Variants in ZNF101 observed in about 807,000 individuals in gnomAD.
ZNF101 encodes zinc finger protein 101 (Y2).
Under a neutral mutation model 42.6 loss-of-function variants are expected in ZNF101, and 34 were observed. That is an observed-to-expected ratio of 0.80 (90% CI 0.61 to 1.06). ZNF101 has a LOEUF of 1.06. Among genes scored for constraint, ZNF101 ranks in the 50% least tolerant of loss-of-function variants. ZNF101 has a pLI of 0.00. For missense variants in ZNF101, 466 were observed against 530.9 expected, an observed-to-expected ratio of 0.88 and a Z score of 1.20; for synonymous variants, 158 against 183.9, an observed-to-expected ratio of 0.86 and a Z score of 1.14.
chr19:19,679,126 A>G, intron 3 of ZNF101, 55 bp from the exon 4 acceptor site: 3 of 1,570,670 alleles, frequency 1.9e-6, no homozygotes, highest in African/African-American at 1.4e-5. Context: ...CATGTCAATT[A>G]GTAGAAAAGC....
In ZNF101 at chr19:19,680,148, A is replaced by T. The variant is rs1207060502; in HGVS notation, c.1159A>T (p.Thr387Ser). 1 of 1,612,742 alleles carries T rather than the reference A, an allele frequency of 6.2e-7. No individual in the cohort carries two copies. Among genetic ancestry groups the T allele is most frequent in the East Asian group, 2.2e-5 (1 of 44,892 alleles). ...CAGTTCCCTCCGAAGACATGAAATG[A>T]CTCACACTGGAGAAAAACCCTTTGA... ...WCSSLRRHEM[T>S]HTGEKPFDCK... Residue 387 changes from threonine (T) to serine (S), a missense_variant, in exon 4 of 4, where the codon ACT (threonine) becomes TCT (serine). Thr to Ser is a moderately conservative substitution (Grantham distance 58). Coordinates refer to ENST00000592502, the MANE Select transcript of ZNF101 (RefSeq NM_033204.4).
rs540664407 is a variant in ZNF101, at chr19:19,679,217, G to A, written c.228G>A (p.Gly76=). 1 of 1,614,144 alleles carries A rather than the reference G, an allele frequency of 6.2e-7. No individual in the cohort carries two copies. Among genetic ancestry groups the A allele is most frequent in the East Asian group, 2.2e-5 (1 of 44,890 alleles). The change falls in exon 4 of 4, where the codon GGG becomes GGA. Residue 76 remains glycine, a synonymous_variant. Transcript: ENST00000592502. ...AGAGACTCTGTGGACGTAAAGAAGG[G>A]AATGAACACAGAGAAACTTTCAGCC... The part of the protein sequence containing the change: ...LVERLCGRKE[G]NEHRETFSQI...
chr19:19,669,187 G>A (rs901590867), intron 1 of ZNF101, among the ~76,000 whole-genome samples: 1 of 152,190 alleles, frequency 6.6e-6, no homozygotes, highest in Non-Finnish European at 1.5e-5. Context: ...GGGCAGCTCC[G>A]CGCCCGCAGC....
At chr19:19,673,043 C>T (rs1187314432) in intron 1 of ZNF101, among the ~76,000 whole-genome samples, 1 of 151,892 alleles carries the variant, frequency 6.6e-6, no homozygotes, top group African/African-American at 2.4e-5. Flanking sequence ...TTCCTGGTTT[C>T]AAGCCATTCT....
chr19:19,673,903 C>T (rs373316395), intron 1 of ZNF101, among the ~76,000 whole-genome samples: 120 of 151,542 alleles, frequency 7.9e-4, no homozygotes, highest in African/African-American at 2.8e-3. Context: ...AAGCGATTCT[C>T]CTGCCTCAGC....
intron 2 of ZNF101, among the ~76,000 whole-genome samples, chr19:19,678,269 G>T (rs1339203385): frequency 6.6e-6 from 1 of 151,370 alleles, no homozygotes; most frequent in African/African-American, 2.4e-5. Context: ...AATTGTGGCA[G>T]CTCATGCCTA....
intron 2 of ZNF101, among the ~76,000 whole-genome samples, chr19:19,678,453 T>A (rs2062216313): frequency 6.6e-6 from 1 of 151,784 alleles, no homozygotes; most frequent in African/African-American, 2.4e-5. Context: ...TCATCTCTAC[T>A]AAAAATACAA....
chr19:19,678,574 C>T (rs1221365349), intron 2 of ZNF101, 152 bp from the exon 3 acceptor site: 1 of 609,060 alleles, frequency 1.6e-6, no homozygotes, highest in Non-Finnish European at 2.8e-6. Flanking sequence ...GAGATTGCAT[C>T]ACTGCACTCC....
At chr19:19,672,436 C>G (rs1267247463) in intron 1 of ZNF101, 1 of 152,076 alleles carries the variant, frequency 6.6e-6, no homozygotes, top group Non-Finnish European at 1.5e-5. Flanking sequence ...AGGCTGGTCT[C>G]GAACTCCTGA....
intron 1 of ZNF101, among the ~76,000 whole-genome samples, chr19:19,674,081 C>T (rs140884448): frequency 1.5e-4 from 23 of 152,002 alleles, no homozygotes; most frequent in South Asian, 4.2e-4. Context: ...TGTGAGTCAC[C>T]GCGCCTGGCC....
At chr19:19,672,521 G>T (rs1432098103) in intron 1 of ZNF101, among the ~76,000 whole-genome samples, 1 of 150,260 alleles carries the variant, frequency 6.7e-6, no homozygotes, top group Non-Finnish European at 1.5e-5. Context: ...AGCCCTATAT[G>T]CATTTTAGAA....
rs2062231712 is a variant in ZNF101, at chr19:19,680,218, G to A, written c.1229G>A (p.Arg410Lys). ...GTCTTTACTTTTTCAAATTACCTTA[G>A]ACTTCATGAAAGAACTCATTTGGCC... Reference protein sequence around the residue: ...GKVFTFSNYLRLHERTHLAGR... With the variant: ...GKVFTFSNYLKLHERTHLAGR... Residue 410 changes from arginine to lysine, a missense_variant, in exon 4 of 4, where the codon AGA becomes AAA. Coordinates refer to ENST00000592502, the MANE Select transcript of ZNF101 (RefSeq NM_033204.4). The A allele has an allele frequency of 6.3e-7, 1 of 1,588,780 alleles. No homozygotes were observed. The highest frequency in any genetic ancestry group is 1.8e-5 in the Admixed American group (1 of 54,372).
chr19:19,679,103 A>C, intron 3 of ZNF101, 78 bp from the exon 4 acceptor site: 1 of 1,535,548 alleles, frequency 6.5e-7, no homozygotes, highest in Non-Finnish European at 8.7e-7. Context: ...TGGTAGCAGC[A>C]TAAGTCTTAA....
rs761610943 is a variant in ZNF101, at chr19:19,679,801, A to G, written c.812A>G (p.His271Arg). Residue 271 changes from histidine (H) to arginine (R), a missense_variant, in exon 4 of 4, where the codon CAT becomes CGT. Coordinates refer to ENST00000592502, the MANE Select transcript of ZNF101 (RefSeq NM_033204.4). ...AFISAGYLRT[H>R]EIRSHALEKS... ...ATTTCCGCAGGTTACCTTCGGACAC[A>G]TGAAATCAGATCTCACGCGCTGGAG... is the stretch of plus-strand genomic sequence containing the variant. The G allele has an allele frequency of 8.7e-6, 14 of 1,613,862 alleles. No homozygotes were observed. The East Asian group carries it at 1.3e-4, about 15-fold the overall frequency.
chr19:19,670,860 C>A (rs886502827), intron 1 of ZNF101, among the ~76,000 whole-genome samples: 2 of 152,136 alleles, frequency 1.3e-5, no homozygotes, highest in Non-Finnish European at 2.9e-5. Context: ...AATCCCAACA[C>A]TTTGGGAGGC....
chr19:19,680,032 A>T lies in ZNF101; in HGVS notation c.1043A>T (p.Asn348Ile). The T allele has an allele frequency of 1.2e-6, 2 of 1,614,098 alleles. No homozygotes were observed. Among genetic ancestry groups the T allele is most frequent in the Middle Eastern group, 1.6e-4 (1 of 6,062 alleles). ...YECNKCGKTF[N>I]YPSCFRRHKK... ...TGTAATAAATGTGGTAAAACCTTCA[A>T]TTATCCCAGTTGTTTTCGAAGACAT... is the stretch of plus-strand genomic sequence containing the variant. The change falls in exon 4 of 4, where the codon AAT becomes ATT. Residue 348 changes from asparagine to isoleucine, a missense_variant. Coordinates refer to ENST00000592502, the MANE Select transcript of ZNF101 (RefSeq NM_033204.4).
Position 19,678,710 on chromosome 19 carries a change from T to C in ZNF101, c.131-16T>C, listed in dbSNP as rs772141721. On this transcript the variant is annotated splice_polypyrimidine_tract_variant and intron_variant, in intron 2 of 3. Transcript: ENST00000592502. ...TTTAAATAATTCATAATAATTTCTC[T>C]GGGTCTACATTTTAGGAATCCAATG... is the stretch of plus-strand genomic sequence containing the variant. The C allele has an allele frequency of 1.9e-6, 3 of 1,584,702 alleles. No individual in the cohort carries two copies. The highest frequency in any genetic ancestry group is 2.2e-5 in the East Asian group (1 of 44,692).
At chr19:19,671,534 C>G (rs940846618) in intron 1 of ZNF101, among the ~76,000 whole-genome samples, 1 of 148,890 alleles carries the variant, frequency 6.7e-6, no homozygotes, top group Non-Finnish European at 1.5e-5. Flanking sequence ...GAGTCTTGCT[C>G]TGTCGCCCAG....
At position 19,679,764 on chromosome 19, in the gene ZNF101, G is replaced by A. The variant is rs2062226932; in HGVS notation, c.775G>A (p.Gly259Ser). 31 of 1,613,608 alleles carry A rather than the reference G, an allele frequency of 1.9e-5. No homozygotes were observed. In the East Asian group the frequency reaches 6.7e-4, roughly 35 times the overall value. ...GEKPYKCKQC[G>S]KAFISAGYLR... ...AAAACCTTACAAATGTAAACAATGT[G>A]GTAAAGCCTTCATTTCCGCAGGTTA... The change falls in exon 4 of 4, where the codon GGT becomes AGT. Residue 259 changes from glycine to serine, a missense_variant. Physicochemically the swap from Gly to Ser is moderately conservative, Grantham distance 56. Transcript: ENST00000592502.
Sources: allele counts gnomAD v4.1 joint callset (sites outside exome capture counted in the v4.1 genomes callset), GRCh38; gene constraint gnomAD v4.1.1; transcripts MANE v1.5; gene names NCBI Gene and HGNC (gene_info 2026-07-23, HGNC 2026-07-21).